The following COL27A1 variants were observed in gnomAD, a reference collection of about 807,000 sequenced individuals.
COL27A1 encodes collagen type XXVII alpha 1 chain.
A neutral mutation model predicts 251.3 loss-of-function variants in COL27A1; 106 were observed. The observed-to-expected ratio is 0.42, with a 90% confidence interval of 0.36 to 0.50. The LOEUF is 0.50. COL27A1 is among the 20% of genes least tolerant of loss of function. The pLI is 0.00. For missense variants in COL27A1, 2,325 were observed against 2,522.8 expected, an observed-to-expected ratio of 0.92 and a Z score of 1.68; for synonymous variants, 1,000 against 986.3, an observed-to-expected ratio of 1.01 and a Z score of -0.26.
chr9:114,299,990 A>G (rs1259226097), intron 49 of COL27A1, 80 bp from the exon 50 acceptor site: 1 of 1,359,330 alleles, frequency 7.4e-7, no homozygotes, highest in East Asian at 2.3e-5. Context: ...GGGAAAAGGC[A>G]GGCCCTGAGG....
intron 2 of COL27A1, among the ~76,000 whole-genome samples, chr9:114,166,368 A>AATCCATCCATCCGTCCATCT (rs1554786335): frequency 2.7e-5 from 1 of 37,082 alleles, no homozygotes; most frequent in Non-Finnish European, 9.0e-5. Flanking sequence ...TCCATCCATC[A>AATCCATCCATCCGTCCATCT]ATCCATCCAT....
intron 1 of COL27A1, among the ~76,000 whole-genome samples, chr9:114,156,490 C>G (rs62555366): frequency 6.6e-6 from 1 of 152,080 alleles, no homozygotes; most frequent in African/African-American, 2.4e-5. Flanking sequence ...GGGTTCTGCT[C>G]CTGTCTCCGT....
chr9:114,162,050 G>A (rs945494589), intron 1 of COL27A1, among the ~76,000 whole-genome samples: 1 of 152,212 alleles, frequency 6.6e-6, no homozygotes, highest in Admixed American at 6.5e-5. Flanking sequence ...GCTGATAAGT[G>A]ACAAGGCCAG....
intron 15 of COL27A1, 83 bp downstream of exon 15, chr9:114,231,215 C>A: frequency 7.7e-7 from 1 of 1,301,416 alleles, no homozygotes; most frequent in Non-Finnish European, 1.1e-6. Context: ...GAAGGGTGAC[C>A]TTAGATGATG....
intron 28 of COL27A1, among the ~76,000 whole-genome samples, chr9:114,259,509 T>C (rs1564535915): frequency 1.3e-5 from 2 of 152,124 alleles, no homozygotes; most frequent in Admixed American, 6.5e-5. Context: ...AAGCCTTTGA[T>C]TCCTGGGATA....
intron 3 of COL27A1, among the ~76,000 whole-genome samples, chr9:114,173,888 G>T (rs1440018190): frequency 6.6e-6 from 1 of 152,090 alleles, no homozygotes; most frequent in Non-Finnish European, 1.5e-5. Context: ...CCTGGGGTTA[G>T]TCGGTGGAGC....
In COL27A1 at chr9:114,288,452, C is replaced by T. The variant is rs541679697; in HGVS notation, c.3988-3C>T. 7.5e-6 allele frequency: 12 copies of T among 1,609,790 alleles called. No individual in the cohort carries two copies. In the African/African-American group the frequency reaches 1.6e-4, roughly 21 times the overall value. On this transcript the variant is annotated splice_polypyrimidine_tract_variant and splice_region_variant and intron_variant, in intron 41 of 60. Transcript: ENST00000356083. The stretch of plus-strand genomic sequence containing the variant: ...TGCCCTAAAGCTGGTTCTGTGTCCA[C>T]AGGGGGAGCAGGGCGAGGACGGCAA...
At position 114,168,992 on chromosome 9, in the gene COL27A1, C is replaced by A; in HGVS notation, c.1437C>A (p.His479Gln). 6.2e-7 allele frequency: 1 copy of A among 1,614,206 alleles called. No individual in the cohort carries two copies. The highest frequency in any genetic ancestry group is 8.5e-7 in the Non-Finnish European group (1 of 1,180,046). The change falls in exon 3 of 61, where the codon CAC becomes CAA. Residue 479 changes from histidine (H) to glutamine (Q), a missense_variant. Physicochemically the swap from His to Gln is conservative, Grantham distance 24 (BLOSUM62 0). Around this residue, in one of 4 missense-constraint regions of COL27A1, gnomAD observed 1,183 missense variants for 1,144.1 expected, o/e 1.03. Coordinates refer to ENST00000356083, the MANE Select transcript of COL27A1 (RefSeq NM_032888.4). ...SKPASARTST[H>Q]KPPPFTALSS... ...CGGCCTCTGCCCGCACCAGCACCCACAAACCTCCCCCATTTACTGCTTTAT... is the reference window on the plus strand; with the variant it reads ...CGGCCTCTGCCCGCACCAGCACCCAAAAACCTCCCCCATTTACTGCTTTAT...
chr9:114,176,544 G>A (rs557455485), intron 3 of COL27A1, among the ~76,000 whole-genome samples: 1 of 151,784 alleles, frequency 6.6e-6, no homozygotes, highest in Non-Finnish European at 1.5e-5. Context: ...GGTGGGTGGG[G>A]GGGGGTGCCC....
In COL27A1 at chr9:114,307,791, T is replaced by C. The variant is rs559256867; in HGVS notation, c.5217+13T>C. 8.8e-6 allele frequency: 14 copies of C among 1,586,424 alleles called. No individual in the cohort carries two copies. In the East Asian group the frequency reaches 3.1e-4, roughly 35 times the overall value. The stretch of plus-strand genomic sequence containing the variant: ...CACGGCCTCCAAGGTACCCATCAGC[T>C]CCCACACTGCCCACCAGGCTGTCTG... On this transcript the variant is annotated intron_variant, in intron 59 of 60. Coordinates refer to ENST00000356083, the MANE Select transcript of COL27A1 (RefSeq NM_032888.4).
intron 13 of COL27A1, among the ~76,000 whole-genome samples, chr9:114,220,981 T>G (rs1588690600): frequency 2.4e-5 from 3 of 122,550 alleles, no homozygotes; most frequent in Admixed American, 1.0e-4. Context: ...GGCAAGAGAG[T>G]GAGACTCTGT....
At chr9:114,231,783 A>G in intron 15 of COL27A1, 39 bp from the exon 16 acceptor site, 2 of 1,611,432 alleles carry the variant, frequency 1.2e-6, no homozygotes, top group Non-Finnish European at 1.7e-6. Flanking sequence ...TCTGTGGCCT[A>G]GAGTCCCATC....
chr9:114,237,596 A>T, intron 18 of COL27A1, 66 bp from the exon 19 acceptor site: 1 of 1,323,030 alleles, frequency 7.6e-7, no homozygotes, highest in South Asian at 1.2e-5. Context: ...CAGCGGGGGA[A>T]CGCAGGGGGT....
At chr9:114,156,901 CTCTT>C (rs1848156959) in intron 1 of COL27A1, among the ~76,000 whole-genome samples, 1 of 152,146 alleles carries the variant, frequency 6.6e-6, no homozygotes, top group South Asian at 2.1e-4. Flanking sequence ...CGGCGCTCCT[CTCTT>C]TCCATCCTGC....
In COL27A1 at chr9:114,310,814, G is replaced by A; in HGVS notation, c.*119G>A. 3.0e-6 allele frequency: 3 copies of A among 1,016,752 alleles called. No individual in the cohort carries two copies. Among genetic ancestry groups the A allele is most frequent in the Non-Finnish European group, 4.3e-6 (3 of 695,180 alleles). The allele number at this position is 1,016,752 out of a possible 1,614,324, so 63.0% of individuals were successfully genotyped here. ...AGCTCCCCTGCCCAAGGGTCCTTGGGCAGACCCCAGCTGTTGTCTGCCCAG... is the reference window on the plus strand; with the variant it reads ...AGCTCCCCTGCCCAAGGGTCCTTGGACAGACCCCAGCTGTTGTCTGCCCAG... On this transcript the variant is annotated 3_prime_UTR_variant, in exon 61 of 61. Transcript: ENST00000356083.
intron 3 of COL27A1, among the ~76,000 whole-genome samples, chr9:114,176,890 C>T (rs1390477498): frequency 6.6e-5 from 10 of 152,152 alleles, no homozygotes; most frequent in Admixed American, 3.3e-4. Context: ...AACTGTGAGC[C>T]GAGACTGCCC....
rs200912572 is a variant in COL27A1 at position 114,168,674 on chromosome 9, G to A, written c.1119G>A (p.Ser373=). 3.5e-5 allele frequency: 56 copies of A among 1,614,058 alleles called. No homozygotes were observed. Among genetic ancestry groups the A allele is most frequent in the Middle Eastern group, 1.6e-4 (1 of 6,062 alleles). ...KIPKSLPTKP[S]APSTSIVPIK... ...CCAAAAGCCTCCCTACCAAGCCTTC[G>A]GCCCCTTCTACTTCAATTGTGCCCA... The change falls in exon 3 of 61, where the codon TCG becomes TCA. Residue 373 remains serine (S), a synonymous_variant. Transcript: ENST00000356083.
intron 7 of COL27A1, among the ~76,000 whole-genome samples, chr9:114,199,275 C>T (rs977458956): frequency 6.6e-6 from 1 of 152,122 alleles, no homozygotes; most frequent in Non-Finnish European, 1.5e-5. Context: ...CTACTGGCTT[C>T]TAATGAGTAG....
At chr9:114,166,256 TGTCC>T (rs1848844181) in intron 2 of COL27A1, among the ~76,000 whole-genome samples, 4 of 128,484 alleles carry the variant, frequency 3.1e-5, no homozygotes, top group African/African-American at 6.2e-5. Flanking sequence ...TCCATCCATC[TGTCC>T]ATCCATCCAT....
Sources: gnomAD v4.1 joint callset for allele counts (sites outside exome capture counted in the v4.1 genomes callset) on GRCh38, gnomAD v4.1.1 for gene constraint, gnomAD v4.1.1 regional missense constraint, MANE v1.5 for transcripts, NCBI Gene and HGNC (gene_info 2026-07-23, HGNC 2026-07-21) for gene names.